UBL3: variants seen among roughly 807,000 people sequenced by gnomAD.
The protein encoded by UBL3 is ubiquitin like 3, also known as ubiquitin-like protein 3.
A neutral mutation model predicts 18.4 loss-of-function variants in UBL3; 6 were observed. The ratio of observed to expected loss-of-function variants is 0.33; its 90% CI spans 0.18 to 0.64. The LOEUF is 0.64. Ranked by LOEUF, UBL3 falls within the 30% of genes least tolerant of loss-of-function variation. The pLI, the probability that UBL3 is intolerant of heterozygous loss-of-function variation, is 0.76. For synonymous variants in UBL3, 49 were observed against 46.6 expected, an observed-to-expected ratio of 1.05 and a Z score of -0.21; for missense variants, 109 against 142.9, an observed-to-expected ratio of 0.76 and a Z score of 1.21.
At chr13:29,791,511 T>C (rs1877478474) in intron 1 of UBL3, among the ~76,000 whole-genome samples, 1 of 152,140 alleles carries the variant, frequency 6.6e-6, no homozygotes, top group African/African-American at 2.4e-5. Context: ...TAATTCCCTA[T>C]CCAAATTCCT....
intron 1 of UBL3, among the ~76,000 whole-genome samples, chr13:29,803,821 T>C (rs1046520139): frequency 2.0e-5 from 3 of 152,044 alleles, no homozygotes; most frequent in Non-Finnish European, 4.4e-5. Flanking sequence ...GAGACTTAGA[T>C]CTCCACACAA....
chr13:29,780,921 C>T (rs1173798722), intron 1 of UBL3, among the ~76,000 whole-genome samples: 5 of 152,162 alleles, frequency 3.3e-5, no homozygotes, highest in African/African-American at 1.2e-4. Context: ...CGCCTGTAAT[C>T]CCAGCACTTT....
At chr13:29,790,570 G>A (rs1225939621) in intron 1 of UBL3, among the ~76,000 whole-genome samples, 1 of 152,100 alleles carries the variant, frequency 6.6e-6, no homozygotes, top group African/African-American at 2.4e-5. Context: ...ACCCCCAAGA[G>A]GTATTCTGGG....
intron 1 of UBL3, among the ~76,000 whole-genome samples, chr13:29,797,388 T>C (rs1877641619): frequency 6.6e-6 from 1 of 152,212 alleles, no homozygotes; most frequent in South Asian, 2.1e-4. Context: ...AATGTCTCTA[T>C]ACAATATTTT....
At chr13:29,806,738 C>T (rs1303487845) in intron 1 of UBL3, among the ~76,000 whole-genome samples, 1 of 152,324 alleles carries the variant, frequency 6.6e-6, no homozygotes, top group African/African-American at 2.4e-5. Flanking sequence ...ACTGGCTTCA[C>T]GTGATCACTG....
intron 1 of UBL3, among the ~76,000 whole-genome samples, chr13:29,816,121 A>C (rs1878271953): frequency 6.6e-6 from 1 of 152,174 alleles, no homozygotes; most frequent in South Asian, 2.1e-4. Flanking sequence ...AGAAGAAATA[A>C]TCTATTTTTA....
At position 29,785,433 on chromosome 13, in the gene UBL3, G is replaced by GT. The variant is rs536626263; in HGVS notation, c.28-8171dup. Among the ~76,000 whole-genome samples, 346 of 152,148 alleles carry GT rather than the reference G, an allele frequency of 2.3e-3. 2 individuals carry two copies. Among genetic ancestry groups the GT allele is most frequent in the African/African-American group, 8.1e-3 (335 of 41,508 alleles). ...TCTTATTGACATTTGAAAATGAATA[G>GT]TTTTTAAAAAATAACATCATATTAA... On this transcript the variant is annotated intron_variant, in intron 1 of 4. Transcript: ENST00000380680.
In UBL3 at chr13:29,786,748, T is replaced by C. The variant is rs900840649; in HGVS notation, c.28-9485A>G. On this transcript the variant is annotated intron_variant, in intron 1 of 4. Coordinates refer to ENST00000380680, the MANE Select transcript of UBL3 (RefSeq NM_007106.4). ...TGGAAGAAGCTACGGGATCTTTTTC[T>C]ATATTCTGTTTAGCATTTAGTTATG... 3.1e-5 allele frequency among the ~76,000 whole-genome samples: 3 copies of C among 96,618 alleles called. No individual in the cohort carries two copies. In the East Asian group the frequency reaches 1.0e-3, roughly 32 times the overall value. The allele number at this position is 96,618 out of a possible 152,430, so 63.4% of individuals were successfully genotyped here.
intron 3 of UBL3, among the ~76,000 whole-genome samples, chr13:29,768,763 A>C (rs535944035): frequency 6.6e-6 from 1 of 152,206 alleles, no homozygotes; most frequent in Non-Finnish European, 1.5e-5. Context: ...TAATGAAAAA[A>C]GGGAGGCTTT....
intron 1 of UBL3, among the ~76,000 whole-genome samples, chr13:29,838,926 GA>G (rs957807277): frequency 3.3e-5 from 5 of 149,852 alleles, no homozygotes; most frequent in African/African-American, 9.8e-5. Context: ...GAAATGGATA[GA>G]AAAAAAAAGA....
chr13:29,837,453 T>C (rs1878984940), intron 1 of UBL3, among the ~76,000 whole-genome samples: 1 of 152,180 alleles, frequency 6.6e-6, no homozygotes, highest in Non-Finnish European at 1.5e-5. Context: ...GATAGGTTGC[T>C]AGAAAATCTC....
At chr13:29,773,197 CTTTT>C (rs1210339452) in intron 2 of UBL3, among the ~76,000 whole-genome samples, 1 of 152,036 alleles carries the variant, frequency 6.6e-6, no homozygotes, top group East Asian at 1.9e-4. Context: ...TTCTTTTGCC[CTTTT>C]TTTGACTATT....
chr13:29,781,038 G>A (rs972699664), intron 1 of UBL3, among the ~76,000 whole-genome samples: 15 of 152,218 alleles, frequency 9.9e-5, no homozygotes, highest in African/African-American at 3.4e-4. Flanking sequence ...AGCAGAGCAT[G>A]GTGATGCGCG....
intron 1 of UBL3, among the ~76,000 whole-genome samples, chr13:29,780,367 A>AAAATAT (rs1359464345): frequency 2.9e-5 from 3 of 103,338 alleles, no homozygotes; most frequent in African/African-American, 1.2e-4. Flanking sequence ...AAAAAAAAAA[A>AAAATAT]ATATATATAT....
chr13:29,770,823 TA>T (rs11441723), intron 3 of UBL3, among the ~76,000 whole-genome samples: 20 of 150,154 alleles, frequency 1.3e-4, no homozygotes, highest in African/African-American at 4.9e-4. Context: ...ACAAAAGCTA[TA>T]AAAAAAAAGC....
intron 1 of UBL3, among the ~76,000 whole-genome samples, chr13:29,790,468 G>A (rs940987611): frequency 4.6e-5 from 7 of 152,122 alleles, no homozygotes; most frequent in African/African-American, 1.4e-4. Context: ...CTTAGTCTCT[G>A]TAACATTCCA....
At chr13:29,807,861 A>G (rs1044182229) in intron 1 of UBL3, among the ~76,000 whole-genome samples, 2 of 152,218 alleles carry the variant, frequency 1.3e-5, no homozygotes, top group African/African-American at 4.8e-5. Context: ...AGGTAACAAT[A>G]TGGATGACTT....
intron 1 of UBL3, among the ~76,000 whole-genome samples, chr13:29,834,940 A>G (rs1878878717): frequency 1.3e-5 from 2 of 151,380 alleles, no homozygotes; most frequent in African/African-American, 4.8e-5. Context: ...TTTCCGATGG[A>G]TTAAATTTGT....
At chr13:29,811,967 C>T (rs1878099858) in intron 1 of UBL3, among the ~76,000 whole-genome samples, 1 of 151,966 alleles carries the variant, frequency 6.6e-6, no homozygotes, top group South Asian at 2.1e-4. Context: ...AATTTTATCC[C>T]TTACTCCGGC....
Sources: allele counts gnomAD v4.1 joint callset (sites outside exome capture counted in the v4.1 genomes callset), GRCh38; gene constraint gnomAD v4.1.1; transcripts MANE v1.5; gene names NCBI Gene and HGNC (gene_info 2026-07-23, HGNC 2026-07-21).